Variants in UNC13C observed in about 807,000 individuals in gnomAD.
UNC13C encodes the protein unc-13 homolog C.
UNC13C carries 174 observed loss-of-function variants against 245.4 expected under a neutral mutation model. That is an observed-to-expected ratio of 0.71 (90% CI 0.63 to 0.80). The LOEUF (loss-of-function observed/expected upper bound fraction) is 0.80. UNC13C is among the 30% of genes least tolerant of loss of function. The pLI is 0.00. For missense variants in UNC13C, 2,829 were observed against 2,602.9 expected (o/e 1.09, Z -1.89); for synonymous variants, 992 against 895.1 (o/e 1.11, Z -1.93).
At chr15:54,578,260 G>A (rs559921403) in intron 30 of UNC13C, among the ~76,000 whole-genome samples, 7 of 152,280 alleles carry the variant, frequency 4.6e-5, no homozygotes, top group Admixed American at 3.3e-4. Context: ...AGACTAAAAT[G>A]TACATATTTT....
At chr15:54,628,783 T>G (rs907410958), downstream of UNC13C, 2 of 150,918 alleles carry the variant, frequency 1.3e-5, no homozygotes, top group African/African-American at 4.9e-5. Flanking sequence ...AAATAACAGA[T>G]GCTGGCGAGG....
chr15:54,631,896 T>C (rs1901464034), downstream of UNC13C: 1 of 152,228 alleles, frequency 6.6e-6, no homozygotes, highest in African/African-American at 2.4e-5. Context: ...TATCTTTAAC[T>C]TCATAAGGAA....
the UNC13C span, among the ~76,000 whole-genome samples, chr15:53,918,729 G>A: frequency 6.6e-6 from 1 of 152,184 alleles, no homozygotes. Context: ...AAGACAAGTG[G>A]TAAAGTGAGG....
Position 54,015,091 on chromosome 15 carries a change from C to T in UNC13C, c.2188C>T (p.Pro730Ser), listed in dbSNP as rs1566951193. The change falls in exon 2 of 33, where the codon CCA (proline) becomes TCA (serine). Residue 730 changes from proline (P) to serine (S), a missense_variant. By Grantham distance (74) the Pro-to-Ser change is moderately conservative. Coordinates refer to ENST00000260323, the MANE Select transcript of UNC13C (RefSeq NM_001080534.3). ...SSPCPGLDNE[P>S]QGQWVGQYDS... Reference sequence around the variant, plus strand: ...TCCATGCCCTGGCTTGGATAATGAACCACAAGGCCAGTGGGTTGGCCAATA... The same window carrying T: ...TCCATGCCCTGGCTTGGATAATGAATCACAAGGCCAGTGGGTTGGCCAATA... 6.2e-7 allele frequency: 1 copy of T among 1,612,582 alleles called. No individual in the cohort carries two copies. The highest frequency in any genetic ancestry group is 1.3e-5 in the African/African-American group (1 of 74,900).
chr15:54,271,019 C>T (rs2036675547), intron 10 of UNC13C, among the ~76,000 whole-genome samples: 1 of 152,150 alleles, frequency 6.6e-6, no homozygotes, highest in African/African-American at 2.4e-5. Flanking sequence ...ATTAATTGCA[C>T]TTTAATGCCC....
intron 13 of UNC13C, 30 bp downstream of exon 13, chr15:54,300,403 A>G (rs1318305403): frequency 9.1e-6 from 14 of 1,530,716 alleles, no homozygotes; most frequent in African/African-American, 2.8e-5. Flanking sequence ...TACATGGTCA[A>G]TATCTCTATT....
intron 2 of UNC13C, among the ~76,000 whole-genome samples, chr15:54,048,179 G>A (rs1897121541): frequency 6.6e-6 from 1 of 152,046 alleles, no homozygotes; most frequent in Non-Finnish European, 1.5e-5. Context: ...ATGGCATGTA[G>A]GGCTTTAGAC....
intron 4 of UNC13C, among the ~76,000 whole-genome samples, chr15:54,195,707 C>A (rs141719109): frequency 8.7e-4 from 132 of 152,238 alleles, no homozygotes; most frequent in African/African-American, 3.0e-3. Context: ...TTTGTACTTT[C>A]TCTTCAGCAA....
intron 19 of UNC13C, among the ~76,000 whole-genome samples, chr15:54,420,893 C>A (rs979654759): frequency 2.0e-5 from 3 of 152,144 alleles, no homozygotes; most frequent in South Asian, 2.1e-4. Context: ...CAGACACTTT[C>A]AGGAAAGGCA....
the UNC13C span, among the ~76,000 whole-genome samples, chr15:53,859,655 G>T: frequency 2.0e-5 from 3 of 151,978 alleles, no homozygotes; most frequent in Non-Finnish European, 4.4e-5. Flanking sequence ...CTCATATTTA[G>T]TTTTCATTTT....
intron 4 of UNC13C, among the ~76,000 whole-genome samples, chr15:54,151,738 G>A (rs1595916691): frequency 6.6e-6 from 1 of 152,210 alleles, no homozygotes; most frequent in South Asian, 2.1e-4. Flanking sequence ...TTCAAGCCAC[G>A]ATGCACACAA....
At chr15:54,054,182 C>T (rs937997173) in intron 2 of UNC13C, among the ~76,000 whole-genome samples, 1 of 152,162 alleles carries the variant, frequency 6.6e-6, no homozygotes, top group Non-Finnish European at 1.5e-5. Flanking sequence ...CTATTTTTAG[C>T]TTTGAGGAAC....
chr15:54,234,910 T>C lies in UNC13C; in HGVS notation c.3072-120T>C. The stretch of plus-strand genomic sequence containing the variant: ...TGTATCTTTGCAGCTTTGTGAATCG[T>C]TTGAAAACTATGGTATCCAGGTCAT... On this transcript the variant is annotated intron_variant, in intron 4 of 32. Transcript: ENST00000260323. The C allele has an allele frequency of 3.6e-6, 3 of 828,022 alleles. No individual in the cohort carries two copies. In the South Asian group the frequency reaches 5.3e-5, roughly 14 times the overall value. The allele number at this position is 828,022 out of a possible 1,614,324, so 51.3% of individuals were successfully genotyped here. A position where few individuals can be genotyped will look rare whatever the true frequency, so the allele number is the denominator to read the frequency against.
chr15:54,233,264 A>G (rs2035600825), intron 4 of UNC13C, among the ~76,000 whole-genome samples: 2 of 152,050 alleles, frequency 1.3e-5, no homozygotes, highest in Non-Finnish European at 2.9e-5. Flanking sequence ...GGTCTTTTAA[A>G]TGTCACCTTT....
chr15:53,934,341 A>G, the UNC13C span, among the ~76,000 whole-genome samples: 2 of 152,112 alleles, frequency 1.3e-5, no homozygotes, highest in Non-Finnish European at 2.9e-5. Context: ...TTGTACCTAT[A>G]ATTGTCTACT....
chr15:54,458,186 G>A (rs556064004), intron 19 of UNC13C, among the ~76,000 whole-genome samples: 1 of 151,952 alleles, frequency 6.6e-6, no homozygotes, highest in Non-Finnish European at 1.5e-5. Context: ...TTATGTATTT[G>A]TATAGTTTAA....
At chr15:54,350,391 G>C (rs2038956100) in intron 17 of UNC13C, among the ~76,000 whole-genome samples, 1 of 152,140 alleles carries the variant, frequency 6.6e-6, no homozygotes, top group Non-Finnish European at 1.5e-5. Context: ...TCTTATGTAA[G>C]TCAAAAGGAC....
intron 8 of UNC13C, among the ~76,000 whole-genome samples, chr15:54,254,908 C>T (rs1286864353): frequency 1.3e-5 from 2 of 152,122 alleles, no homozygotes; most frequent in Admixed American, 6.5e-5. Context: ...AAGAGTTCCC[C>T]GCCATGATAA....
intron 19 of UNC13C, among the ~76,000 whole-genome samples, chr15:54,443,675 G>A (rs1890653695): frequency 6.6e-6 from 1 of 151,946 alleles, no homozygotes; most frequent in South Asian, 2.1e-4. Context: ...TGATCATTCA[G>A]GAGCATGATT....
Sources: gnomAD v4.1 joint callset for allele counts (sites outside exome capture counted in the v4.1 genomes callset) on GRCh38, gnomAD v4.1.1 for gene constraint, MANE v1.5 for transcripts, NCBI Gene and HGNC (gene_info 2026-07-23, HGNC 2026-07-21) for gene names.